The following TCAF1 variants were observed in gnomAD, a reference collection of about 807,000 sequenced individuals.
TCAF1 encodes the protein TRPM8 channel-associated factor 1.
A neutral mutation model predicts 27.3 loss-of-function variants in TCAF1; 4 were observed. That is an observed-to-expected ratio of 0.15 (90% CI 0.07 to 0.34). TCAF1 has a LOEUF of 0.34. Among genes scored for constraint, TCAF1 ranks in the 10% least tolerant of loss-of-function variants. The pLI, the probability that TCAF1 is intolerant of heterozygous loss-of-function variation, is 1.00. For synonymous variants in TCAF1, 105 were observed against 167.1 expected (o/e 0.63, Z 2.87); for missense variants, 257 against 425.8 (o/e 0.60, Z 3.49).
rs1484362815 is a variant in TCAF1 at position 143,852,165 on chromosome 7, C to G, written c.*1968G>C. 1 of 151,440 alleles carries G rather than the reference C, an allele frequency of 6.6e-6. No homozygotes were observed. The highest frequency in any genetic ancestry group is 2.4e-5 in the African/African-American group (1 of 41,172). 9.4% of individuals were successfully genotyped at this position (151,440 alleles called of 1,614,324 possible). A position where few individuals can be genotyped will look rare whatever the true frequency, so the allele number is the denominator to read the frequency against. ...CAAAATCATGCCTCATTTTATTTTG[C>G]TCTATAATTGGACCTGAATTTTTTG... On this transcript the variant is annotated 3_prime_UTR_variant, in exon 9 of 9. Coordinates refer to ENST00000479870, the MANE Select transcript of TCAF1 (RefSeq NM_014719.3).
chr7:143,896,908 GAAA>G (rs1813892965), intron 1 of TCAF1, among the ~76,000 whole-genome samples: 1 of 150,714 alleles, frequency 6.6e-6, no homozygotes, highest in African/African-American at 2.4e-5. Flanking sequence ...AAAATTCAAA[GAAA>G]GAAGAAAGTA....
chr7:143,888,987 T>C lies in TCAF1; in HGVS notation c.-14-12365A>G, dbSNP rs948254738. ...TGTATTTATAAAAAAGAATCAAAAC[T>C]AGAAATTAAAAAATAATTGAAATAA... is the stretch of plus-strand genomic sequence containing the variant. On this transcript the variant is annotated intron_variant, in intron 1 of 8. Coordinates refer to ENST00000479870, the MANE Select transcript of TCAF1 (RefSeq NM_014719.3). 2.0e-5 allele frequency among the ~76,000 whole-genome samples: 3 copies of C among 152,040 alleles called. No individual in the cohort carries two copies. The East Asian group carries it at 5.8e-4, about 29-fold the overall frequency.
intron 1 of TCAF1, among the ~76,000 whole-genome samples, chr7:143,884,551 G>A (rs1214267969): frequency 6.6e-6 from 1 of 152,086 alleles, no homozygotes; most frequent in East Asian, 1.9e-4. Flanking sequence ...TAACAGCACC[G>A]CAAGTTAAAA....
chr7:143,897,178 T>TATATA (rs1813921456), intron 1 of TCAF1, among the ~76,000 whole-genome samples: 3 of 72,740 alleles, frequency 4.1e-5, no homozygotes, highest in Non-Finnish European at 9.3e-5. Context: ...ATATATATAT[T>TATATA]CATATATAAA....
At chr7:143,891,067 T>C (rs1303617960) in intron 1 of TCAF1, among the ~76,000 whole-genome samples, 4 of 152,228 alleles carry the variant, frequency 2.6e-5, no homozygotes, top group African/African-American at 4.8e-5. Context: ...AAAGACTATG[T>C]TCTTGGAGAA....
chr7:143,879,913 A>G (rs1480709769), intron 1 of TCAF1, among the ~76,000 whole-genome samples: 1 of 152,122 alleles, frequency 6.6e-6, no homozygotes. Flanking sequence ...TGGCACGAGT[A>G]CAAGCAGAAC....
Position 143,876,423 on chromosome 7 carries a change from C to T in TCAF1, c.186G>A (p.Val62=). The change falls in exon 2 of 9, where the codon GTG becomes GTA. Residue 62 remains valine (V), a synonymous_variant. Transcript: ENST00000479870. ...SSYGRGRLVV[V]SHEDYLVEAQ... The stretch of plus-strand genomic sequence containing the variant: ...CTTCCACCAAGTAGTCCTCATGGGA[C>T]ACGACCACCAGGCGGCCACGGCCAT... The T allele has an allele frequency of 6.2e-7, 1 of 1,612,188 alleles. No individual in the cohort carries two copies. The highest frequency in any genetic ancestry group is 8.5e-7 in the Non-Finnish European group (1 of 1,179,164).
chr7:143,887,799 T>G (rs1813480611), intron 1 of TCAF1, among the ~76,000 whole-genome samples: 1 of 152,214 alleles, frequency 6.6e-6, no homozygotes, highest in Non-Finnish European at 1.5e-5. Context: ...TTTCACAATA[T>G]AGCTGAATCT....
chr7:143,891,647 T>C (rs1813641533), intron 1 of TCAF1, among the ~76,000 whole-genome samples: 1 of 151,930 alleles, frequency 6.6e-6, no homozygotes, highest in Non-Finnish European at 1.5e-5. Flanking sequence ...GATTATGAGA[T>C]AGGGTGAAAA....
At chr7:143,882,511 G>A (rs1359125877) in intron 1 of TCAF1, 1 of 985,378 alleles carries the variant, frequency 1.0e-6, no homozygotes, top group African/African-American at 1.7e-5. Context: ...GGGGATGCGG[G>A]ACCCAAGCGC....
chr7:143,876,159 T>C lies in TCAF1; in HGVS notation c.450A>G (p.Ile150Met), dbSNP rs775155191. The C allele has an allele frequency of 6.2e-7, 1 of 1,614,218 alleles. No individual in the cohort carries two copies. The highest frequency in any genetic ancestry group is 1.7e-5 in the Admixed American group (1 of 60,036). Reference sequence around the variant, plus strand: ...TGGCCCAATCCCAGGCTTGTCCTCCTATGAGCAAGCCGCCACCACATTTCA... The same window carrying C: ...TGGCCCAATCCCAGGCTTGTCCTCCCATGAGCAAGCCGCCACCACATTTCA... The part of the protein sequence containing the change: ...KFMKCGGGLL[I>M]GGQAWDWANQ... The change falls in exon 2 of 9, where the codon ATA becomes ATG. Residue 150 changes from isoleucine (I) to methionine (M), a missense_variant. Transcript: ENST00000479870.
At chr7:143,860,017 A>G (rs1486052196) in intron 6 of TCAF1, among the ~76,000 whole-genome samples, 191 bp downstream of exon 6, 23 of 62,468 alleles carry the variant, frequency 3.7e-4, no homozygotes, top group Non-Finnish European at 4.7e-4. Context: ...TATATAATAT[A>G]TATTATATAT....
chr7:143,882,193 AACACACACAC>A (rs35872468), intron 1 of TCAF1: 5 of 150,272 alleles, frequency 3.3e-5, no homozygotes, highest in Non-Finnish European at 5.7e-5. Context: ...CATGCGCGTA[AACACACACAC>A]ACACACACAC....
chr7:143,860,010 ATAATATATATTATATATTAT>A (rs1811907357), intron 6 of TCAF1, among the ~76,000 whole-genome samples, 178 bp downstream of exon 6: 6 of 19,912 alleles, frequency 3.0e-4, no homozygotes, highest in African/African-American at 3.3e-4. Context: ...TAATATATAT[ATAATATATATTATATATTAT>A]ATATATAATA....
intron 1 of TCAF1, among the ~76,000 whole-genome samples, chr7:143,892,964 C>T (rs183455345): frequency 2.6e-5 from 4 of 151,790 alleles, no homozygotes; most frequent in Admixed American, 6.6e-5. Context: ...TCACAGCAGC[C>T]CAAAACAACT....
At chr7:143,897,559 C>T (rs988514840) in intron 1 of TCAF1, among the ~76,000 whole-genome samples, 2 of 152,008 alleles carry the variant, frequency 1.3e-5, no homozygotes, top group African/African-American at 4.8e-5. Flanking sequence ...TGAGGGGGGT[C>T]AGTATCCCGA....
intron 6 of TCAF1, among the ~76,000 whole-genome samples, chr7:143,859,916 G>GTATAT: frequency 3.1e-5 from 1 of 32,362 alleles, no homozygotes; most frequent in South Asian, 7.9e-4. Flanking sequence ...ATATATTACG[G>GTATAT]AATATATATT....
intron 1 of TCAF1, among the ~76,000 whole-genome samples, chr7:143,899,096 T>C (rs1200493557): frequency 1.3e-5 from 2 of 152,210 alleles, no homozygotes; most frequent in Non-Finnish European, 2.9e-5. Context: ...GTCTCAGGTA[T>C]TCTGCTATGG....
chr7:143,897,147 TATATATATATATATATATATATATA>T (rs1813910031), intron 1 of TCAF1, among the ~76,000 whole-genome samples: 1 of 86,992 alleles, frequency 1.1e-5, no homozygotes, highest in African/African-American at 4.6e-5. Context: ...TATATATATA[TATATATATATATATATATATATATA>T]TATATTCATA....
Sources: gnomAD v4.1 joint callset for allele counts (sites outside exome capture counted in the v4.1 genomes callset) on GRCh38, gnomAD v4.1.1 for gene constraint, MANE v1.5 for transcripts, NCBI Gene and HGNC (gene_info 2026-07-23, HGNC 2026-07-21) for gene names.